Variants in KAZN observed in about 807,000 individuals in gnomAD.
The protein encoded by KAZN is kazrin.
A neutral mutation model predicts 87.4 loss-of-function variants in KAZN; 40 were observed. The observed-to-expected ratio is 0.46, with a 90% CI of 0.36 to 0.60. The LOEUF (loss-of-function observed/expected upper bound fraction) is 0.60. KAZN is among the 20% of genes least tolerant of loss of function. KAZN has a pLI of 0.00. For missense variants in KAZN, 898 were observed against 1,073.9 expected, an observed-to-expected ratio of 0.84 and a Z score of 2.29; for synonymous variants, 466 against 458.3, an observed-to-expected ratio of 1.02 and a Z score of -0.22.
intron 1 of KAZN, among the ~76,000 whole-genome samples, chr1:14,158,264 G>A (rs925570253): frequency 4.6e-5 from 7 of 151,964 alleles, no homozygotes; most frequent in African/African-American, 1.7e-4. Context: ...CTATTTTCTA[G>A]ATCTTATAGG....
chr1:14,103,514 G>T (rs536877982), intron 1 of KAZN, among the ~76,000 whole-genome samples: 203 of 152,282 alleles, frequency 1.3e-3, no homozygotes, highest in Middle Eastern at 3.4e-3. Flanking sequence ...GAATCAAAGT[G>T]TTGGCAGCTC....
At chr1:14,145,215 G>C (rs367872314) in intron 1 of KAZN, among the ~76,000 whole-genome samples, 76 of 152,202 alleles carry the variant, frequency 5.0e-4, no homozygotes, top group African/African-American at 1.7e-3. Context: ...GGCCAAGGTG[G>C]GAGAGTCACT....
chr1:14,573,432 A>G (rs1366878679), intron 2 of KAZN, among the ~76,000 whole-genome samples: 1 of 152,100 alleles, frequency 6.6e-6, no homozygotes, highest in Non-Finnish European at 1.5e-5. Flanking sequence ...GCAGATCACA[A>G]GGTCAGGAGT....
chr1:13,952,913 C>T (rs79054231), intron 1 of KAZN, among the ~76,000 whole-genome samples: 2,690 of 152,238 alleles, frequency 0.018, 38 homozygotes, highest in South Asian at 0.04. Flanking sequence ...TATGATTTTC[C>T]TCCTAGTTAT....
intron 4 of KAZN, among the ~76,000 whole-genome samples, chr1:15,045,555 C>G (rs548411624): frequency 6.6e-6 from 1 of 152,206 alleles, no homozygotes; most frequent in East Asian, 1.9e-4. Context: ...GAACAGTCAG[C>G]GAGCACATCT....
intron 14 of KAZN, 44 bp downstream of exon 14, chr1:15,112,585 G>A (rs776678787): frequency 1.4e-6 from 2 of 1,388,148 alleles, no homozygotes; most frequent in South Asian, 2.5e-5. Flanking sequence ...GCAGACCCGG[G>A]AAAGGTCTTT....
intron 2 of KAZN, among the ~76,000 whole-genome samples, chr1:14,477,548 G>T (rs1315148124): frequency 6.6e-6 from 1 of 151,868 alleles, no homozygotes; most frequent in Non-Finnish European, 1.5e-5. Flanking sequence ...CTTGCATCGT[G>T]TACAAGGCTT....
At chr1:14,903,169 G>A (rs1412348698) in intron 1 of KAZN, among the ~76,000 whole-genome samples, 5 of 152,000 alleles carry the variant, frequency 3.3e-5, no homozygotes, top group East Asian at 3.9e-4. Flanking sequence ...ACACCTGGCC[G>A]CCTCTTATTT....
intron 2 of KAZN, among the ~76,000 whole-genome samples, chr1:14,444,608 C>T (rs565944114): frequency 8.5e-5 from 13 of 152,220 alleles, no homozygotes; most frequent in African/African-American, 2.4e-4. Context: ...CCACCGCGTC[C>T]GGCCCGATTC....
chr1:14,970,713 A>G (rs1262223883), intron 2 of KAZN, among the ~76,000 whole-genome samples: 3 of 152,132 alleles, frequency 2.0e-5, no homozygotes, highest in Non-Finnish European at 4.4e-5. Flanking sequence ...AGATTCCGTG[A>G]TGTCTTAAGG....
At position 14,389,467 on chromosome 1, in the gene KAZN, A is replaced by G. The variant is rs146810824; in HGVS notation, c.249+208875A>G. The stretch of plus-strand genomic sequence containing the variant: ...GGAGGCAACCTATATTCATCAACAG[A>G]TGAATGGATAAAAAAAAATGTTACA... On this transcript the variant is annotated intron_variant, in intron 2 of 16. Transcript: ENST00000636203. 3.3e-3 allele frequency among the ~76,000 whole-genome samples: 443 copies of G among 136,298 alleles called. 1 individual carries two copies. Among genetic ancestry groups the G allele is most frequent in the African/African-American group, 0.01 (402 of 39,896 alleles). The allele number at this position is 136,298 out of a possible 152,430, so 89.4% of individuals were successfully genotyped here. A position where few individuals can be genotyped will look rare whatever the true frequency, so the allele number is the denominator to read the frequency against.
Position 13,975,680 on chromosome 1 carries a change from A to T in KAZN, c.91+81924A>T, listed in dbSNP as rs531878082. Reference sequence around the variant, plus strand: ...CATTTCCTTAAACAAAACTTAACACACCGGCAGGTAGATAGTATTGACTCA... The same window carrying T: ...CATTTCCTTAAACAAAACTTAACACTCCGGCAGGTAGATAGTATTGACTCA... On this transcript the variant is annotated intron_variant, in intron 1 of 16. Transcript: ENST00000636203. Among the ~76,000 whole-genome samples, 7 of 152,250 alleles carry T rather than the reference A, an allele frequency of 4.6e-5. 1 individual carries two copies. In the South Asian group the frequency reaches 1.2e-3, roughly 27 times the overall value.
At chr1:14,982,267 A>T (rs991585613) in intron 2 of KAZN, among the ~76,000 whole-genome samples, 9 of 151,726 alleles carry the variant, frequency 5.9e-5, no homozygotes, top group African/African-American at 1.9e-4. Context: ...TAAAGACCAA[A>T]CCCCTGTCTG....
chr1:14,042,174 T>C (rs1162796159), intron 1 of KAZN, among the ~76,000 whole-genome samples: 1 of 152,202 alleles, frequency 6.6e-6, no homozygotes, highest in African/African-American at 2.4e-5. Flanking sequence ...TTCTTTTTTT[T>C]TCTCTTCAGT....
chr1:14,690,194 T>G (rs1048848617), intron 1 of KAZN, among the ~76,000 whole-genome samples: 3 of 152,214 alleles, frequency 2.0e-5, no homozygotes, highest in Admixed American at 2.0e-4. Context: ...TCATGAATCA[T>G]GCATCTGCGG....
chr1:14,339,784 A>ACAT (rs1657552811), intron 2 of KAZN, among the ~76,000 whole-genome samples: 1 of 152,348 alleles, frequency 6.6e-6, no homozygotes, highest in East Asian at 1.9e-4. Flanking sequence ...ACGTTTGACC[A>ACAT]GATATCTGGG....
chr1:14,868,772 A>T (rs1314554434), intron 1 of KAZN, among the ~76,000 whole-genome samples: 1 of 151,856 alleles, frequency 6.6e-6, no homozygotes, highest in Non-Finnish European at 1.5e-5. Flanking sequence ...TGAGCCCAGG[A>T]ACTCAAGGCT....
chr1:14,041,482 C>T (rs1385172031), intron 1 of KAZN, among the ~76,000 whole-genome samples: 1 of 152,100 alleles, frequency 6.6e-6, no homozygotes, highest in Non-Finnish European at 1.5e-5. Context: ...TAGAATGCTC[C>T]TCAATGCAAT....
rs375402196 is a variant in KAZN at position 14,536,619 on chromosome 1, C to T, written c.250-62364C>T. ...GAAGTCGGCTGCGTGTGGTGGCTCA[C>T]GCCTGTAATCCCAACACTTTGGGAG... On this transcript the variant is annotated intron_variant, in intron 2 of 16. Coordinates refer to the KAZN transcript ENST00000636203. Among the ~76,000 whole-genome samples, 73 of 152,240 alleles carry T rather than the reference C, an allele frequency of 4.8e-4. No individual in the cohort carries two copies. In the East Asian group the frequency reaches 9.1e-3, roughly 19 times the overall value.
Sources: gnomAD v4.1 joint callset for allele counts (sites outside exome capture counted in the v4.1 genomes callset) on GRCh38, gnomAD v4.1.1 for gene constraint, MANE v1.5 for transcripts, NCBI Gene and HGNC (gene_info 2026-07-23, HGNC 2026-07-21) for gene names.